The following COG1 variants were observed in gnomAD, a reference collection of about 807,000 sequenced individuals.
The protein encoded by COG1 is conserved oligomeric Golgi complex subunit 1.
COG1 carries 61 observed loss-of-function variants against 102.2 expected under a neutral mutation model. The observed-to-expected ratio is 0.60, with a 90% CI of 0.49 to 0.74. The LOEUF is 0.74. Among genes scored for constraint, COG1 ranks in the 30% least tolerant of loss-of-function variants. COG1 has a pLI of 0.00. For synonymous variants in COG1, 454 were observed against 493.6 expected (o/e 0.92, Z 1.06); for missense variants, 1,164 against 1,232.1 (o/e 0.94, Z 0.83).
At position 73,207,191 on chromosome 17, in the gene COG1, C is replaced by T. The variant is rs2061380681; in HGVS notation, c.2740C>T (p.Leu914Phe). ...LASSQIRFGL[L>F]PLSMTSTRKA... is the part of the protein sequence containing the mutation. ...CCTCTTGTTTTGGAGGTTTGGACTT[C>T]TCCCACTGAGCATGACAAGCACTCG... is the stretch of plus-strand genomic sequence containing the variant. Residue 914 changes from leucine (L) to phenylalanine (F), a missense_variant, in exon 13 of 14, where the codon CTC becomes TTC. Physicochemically the swap from Leu to Phe is conservative, Grantham distance 22. Coordinates refer to ENST00000299886, the MANE Select transcript of COG1 (RefSeq NM_018714.3). The T allele has an allele frequency of 3.1e-6, 5 of 1,611,284 alleles. No individual in the cohort carries two copies. Among genetic ancestry groups the T allele is most frequent in the Non-Finnish European group, 4.2e-6 (5 of 1,178,934 alleles).
At position 73,206,792 on chromosome 17, in the gene COG1, C is replaced by T; in HGVS notation, c.2704C>T (p.Leu902=). The change falls in exon 12 of 14, where the codon CTG becomes TTG. Residue 902 remains leucine, a synonymous_variant. Coordinates refer to ENST00000299886, the MANE Select transcript of COG1 (RefSeq NM_018714.3). ...TFNSQEPHNI[L]PLASSQIRFG... ...CAACTCCCAAGAACCCCATAACATC[C>T]TGCCACTGGCATCCAGTCAGATCAG... 1 of 1,613,856 alleles carries T rather than the reference C, an allele frequency of 6.2e-7. No homozygotes were observed. Among genetic ancestry groups the T allele is most frequent in the Non-Finnish European group, 8.5e-7 (1 of 1,179,916 alleles).
chr17:73,205,459 C>A, intron 9 of COG1, 94 bp from the exon 10 acceptor site: 1 of 1,335,422 alleles, frequency 7.5e-7, no homozygotes, highest in Non-Finnish European at 1.1e-6. Flanking sequence ...TCTGAAATAG[C>A]AAGCTGAAAC....
Position 73,193,085 on chromosome 17 carries a change from A to G in COG1, c.16A>G (p.Thr6Ala). MATAA[T>A]SPALKRLDLR... ...CGAGTGCACCATGGCCACCGCGGCA[A>G]CCTCACCCGCGCTGAAGCGGCTGGA... Residue 6 changes from threonine (T) to alanine (A), a missense_variant, in exon 1 of 14, where the codon ACC becomes GCC. Thr to Ala is a moderately conservative substitution (Grantham distance 58). Transcript: ENST00000299886. 3 of 1,561,454 alleles carry G rather than the reference A, an allele frequency of 1.9e-6. No individual in the cohort carries two copies. Among genetic ancestry groups the G allele is most frequent in the Non-Finnish European group, 2.6e-6 (3 of 1,146,872 alleles).
chr17:73,205,163 AAAACAAACAAAC>A (rs147604318), intron 9 of COG1: 43 of 282,946 alleles, frequency 1.5e-4, no homozygotes, highest in Non-Finnish European at 2.3e-4. Flanking sequence ...ACTCTATCTC[AAAACAAACAAAC>A]AAACAAACAA....
chr17:73,205,522 T>C (rs2061365617), intron 9 of COG1, 31 bp from the exon 10 acceptor site: 1 of 1,613,854 alleles, frequency 6.2e-7, no homozygotes, highest in Non-Finnish European at 8.5e-7. Context: ...TCCTCTCTCT[T>C]CATGGGTGGG....
intron 11 of COG1, among the ~76,000 whole-genome samples, 183 bp downstream of exon 11, chr17:73,206,445 C>T (rs913106458): frequency 2.6e-5 from 4 of 152,096 alleles, no homozygotes; most frequent in African/African-American, 9.7e-5. Flanking sequence ...ACTGAGGCAA[C>T]CAAGATTTGG....
chr17:73,194,419 G>C (rs113754360), intron 1 of COG1, among the ~76,000 whole-genome samples: 28,854 of 107,374 alleles, frequency 0.27, 4,950 homozygotes, highest in Admixed American at 0.37. Flanking sequence ...TCCAGCCTGG[G>C]CCACAGAGCG....
Position 73,193,402 on chromosome 17 carries a change from C to A in COG1, c.315+18C>A. ...CCCAGCAGGTCAGTCCCCGTGCCCC[C>A]ACCCTGCGACCCGCAGGCGGGTCCC... On this transcript the variant is annotated intron_variant, in intron 1 of 13. Coordinates refer to ENST00000299886, the MANE Select transcript of COG1 (RefSeq NM_018714.3). 4.3e-6 allele frequency: 6 copies of A among 1,404,272 alleles called. No homozygotes were observed. The highest frequency in any genetic ancestry group is 2.6e-4 in the Middle Eastern group (1 of 3,816). The allele number at this position is 1,404,272 out of a possible 1,614,324, so 87.0% of individuals were successfully genotyped here.
chr17:73,194,152 A>ATTTTTTTTTTTTTTT (rs1257232460), intron 1 of COG1, among the ~76,000 whole-genome samples: 13 of 147,486 alleles, frequency 8.8e-5, no homozygotes, highest in Admixed American at 1.4e-4. Flanking sequence ...TTCCTAAAGA[A>ATTTTTTTTTTTTTTT]TTTTTATTGG....
chr17:73,205,755 CAG>C (rs1452194084), intron 10 of COG1, 75 bp downstream of exon 10: 1 of 1,574,194 alleles, frequency 6.4e-7, no homozygotes, highest in South Asian at 1.1e-5. Flanking sequence ...GGGAAGCCAC[CAG>C]AGTCAGCCTG....
At chr17:73,205,205 C>A (rs967032640) in intron 9 of COG1, 39 of 312,022 alleles carry the variant, frequency 1.2e-4, no homozygotes, top group South Asian at 1.0e-3. Context: ...CAAGAAGGAA[C>A]AAATCCTGAT....
intron 9 of COG1, 81 bp downstream of exon 9, chr17:73,203,874 C>G: frequency 6.6e-7 from 1 of 1,505,344 alleles, no homozygotes; most frequent in East Asian, 2.3e-5. Context: ...TTGAGCAGTT[C>G]ACATCAAAGA....
At position 73,207,252 on chromosome 17, in the gene COG1, C is replaced by T; in HGVS notation, c.2801C>T (p.Ala934Val). The T allele has an allele frequency of 4.3e-6, 7 of 1,613,986 alleles. No homozygotes were observed. The highest frequency in any genetic ancestry group is 1.6e-4 in the Middle Eastern group (1 of 6,062). ...TCAACCAGAAACATCGAAACAAAAGCTCAGGTTGGTGCCAAGAGCAAGAGG... is the reference window on the plus strand; with the variant it reads ...TCAACCAGAAACATCGAAACAAAAGTTCAGGTTGGTGCCAAGAGCAAGAGG... ...AKSTRNIETK[A>V]QVVPPARSTA... The change falls in exon 13 of 14, where the codon GCT (alanine) becomes GTT (valine). Residue 934 changes from alanine to valine, a missense_variant. Physicochemically the swap from Ala to Val is moderately conservative, Grantham distance 64. Coordinates refer to ENST00000299886, the MANE Select transcript of COG1 (RefSeq NM_018714.3).
intron 5 of COG1, among the ~76,000 whole-genome samples, 195 bp from the exon 6 acceptor site, chr17:73,200,371 G>C (rs1186845214): frequency 6.6e-6 from 1 of 152,162 alleles, no homozygotes; most frequent in Non-Finnish European, 1.5e-5. Flanking sequence ...TAGGCCTGGT[G>C]TGGGCAACAG....
intron 6 of COG1, among the ~76,000 whole-genome samples, 163 bp downstream of exon 6, chr17:73,200,939 G>A (rs910077131): frequency 5.3e-5 from 8 of 152,096 alleles, no homozygotes; most frequent in Non-Finnish European, 1.2e-4. Context: ...TCACTTGATC[G>A]GGAATGGGCC....
At chr17:73,203,405 A>T (rs2061354953) in intron 8 of COG1, 1 of 705,992 alleles carries the variant, frequency 1.4e-6, no homozygotes, top group African/African-American at 1.8e-5. Context: ...TCAGCAGCAT[A>T]AAACACAGGC....
At chr17:73,197,173 T>C (rs1020565310) in intron 3 of COG1, 53 bp from the exon 4 acceptor site, 13 of 1,610,194 alleles carry the variant, frequency 8.1e-6, no homozygotes, top group Non-Finnish European at 1.1e-5. Flanking sequence ...GCGTCCTCTG[T>C]CTTTCACTTT....
chr17:73,194,122 T>TA (rs2061314388), intron 1 of COG1, among the ~76,000 whole-genome samples: 1 of 151,976 alleles, frequency 6.6e-6, no homozygotes, highest in East Asian at 1.9e-4. Flanking sequence ...CACATCCTCA[T>TA]ATTGGAGCTG....
At chr17:73,205,289 T>G in intron 9 of COG1, 2 of 462,124 alleles carry the variant, frequency 4.3e-6, no homozygotes, top group Non-Finnish European at 7.9e-6. Context: ...GGAGCCTTTT[T>G]TTCCCCTTTA....
Sources: allele counts gnomAD v4.1 joint callset (sites outside exome capture counted in the v4.1 genomes callset), GRCh38; gene constraint gnomAD v4.1.1; transcripts MANE v1.5; gene names NCBI Gene and HGNC (gene_info 2026-07-23, HGNC 2026-07-21).